Variants in JMJD1C observed in about 807,000 individuals in gnomAD.
The protein encoded by JMJD1C is jumonji domain-containing protein 1C.
In JMJD1C, 31 loss-of-function variants were observed where a neutral mutation model predicts 245.3. That is an observed-to-expected ratio of 0.13 (90% confidence interval 0.09 to 0.17). The LOEUF is 0.17. Among genes scored for constraint, JMJD1C ranks in the 10% least tolerant of loss-of-function variants. JMJD1C has a pLI of 1.00. For missense variants in JMJD1C, 2,691 were observed against 3,000.2 expected (o/e 0.90, Z 2.41); for synonymous variants, 1,057 against 1,017.4 (o/e 1.04, Z -0.74).
At chr10:63,336,099 T>A (rs1942701269) in intron 2 of JMJD1C, among the ~76,000 whole-genome samples, 1 of 151,382 alleles carries the variant, frequency 6.6e-6, no homozygotes, top group South Asian at 2.1e-4. Flanking sequence ...CCAGCCTGAG[T>A]GACAGAGTGA....
At chr10:63,505,098 G>A (rs776010979) in intron 1 of JMJD1C, among the ~76,000 whole-genome samples, 5 of 152,144 alleles carry the variant, frequency 3.3e-5, no homozygotes, top group African/African-American at 4.8e-5. Flanking sequence ...GGATCACGAG[G>A]TCAGGAGATC....
rs201112543 is a variant in JMJD1C at position 63,465,607 on chromosome 10, A to T, written c.56T>A (p.Val19Asp). Reference sequence around the variant, plus strand: ...GCGCTCCGAACGTGCCTCGTCGCCGACCGCCACACACAGGAACCGCTTACC... The same window carrying T: ...GCGCTCCGAACGTGCCTCGTCGCCGTCCGCCACACACAGGAACCGCTTACC... ...LVGKRFLCVAVGDEARSERWE... is the reference protein window; with the variant it reads ...LVGKRFLCVADGDEARSERWE... The change falls in exon 1 of 26, where the codon GTC (valine) becomes GAC (aspartate). Residue 19 changes from valine (V) to aspartate (D), a missense_variant. Physicochemically the swap from Val to Asp is radical, Grantham distance 152. Coordinates refer to ENST00000399262, the MANE Select transcript of JMJD1C (RefSeq NM_032776.3). 4.4e-4 allele frequency: 701 copies of T among 1,609,330 alleles called. 4 individuals carry two copies. The African/African-American group carries it at 8.5e-3, about 19-fold the overall frequency.
rs181777803 is a variant in JMJD1C at position 63,356,991 on chromosome 10, C to A, written c.333+23327G>T. Among the ~76,000 whole-genome samples, 188 of 91,748 alleles carry A rather than the reference C, an allele frequency of 2.0e-3. 1 individual carries two copies. The highest frequency in any genetic ancestry group is 4.9e-3 in the African/African-American group (176 of 35,704). The allele number at this position is 91,748 out of a possible 152,430, so 60.2% of individuals were successfully genotyped here. A position where few individuals can be genotyped will look rare whatever the true frequency, so the allele number is the denominator to read the frequency against. Reference sequence around the variant, plus strand: ...AAAACACTGAGAAAAATATCTGGAACTTGGTATGCCTTCAAAAATGAACTA... The same window carrying A: ...AAAACACTGAGAAAAATATCTGGAAATTGGTATGCCTTCAAAAATGAACTA... On this transcript the variant is annotated intron_variant, in intron 2 of 25. Coordinates refer to ENST00000399262, the MANE Select transcript of JMJD1C (RefSeq NM_032776.3).
At chr10:63,427,738 C>T in intron 1 of JMJD1C, 1 of 1,379,670 alleles carries the variant, frequency 7.2e-7, no homozygotes, top group Non-Finnish European at 1.0e-6. Flanking sequence ...GGAATTTGGT[C>T]TTGCCCAGTT....
chr10:63,448,691 C>T (rs530510584), intron 1 of JMJD1C, among the ~76,000 whole-genome samples: 2 of 152,214 alleles, frequency 1.3e-5, no homozygotes, highest in South Asian at 4.2e-4. Context: ...TAAAACTTGA[C>T]AGAGGTGAGA....
chr10:63,516,231 A>AG (rs1291410924), intron 1 of JMJD1C, among the ~76,000 whole-genome samples: 14 of 97,040 alleles, frequency 1.4e-4, no homozygotes, highest in African/African-American at 6.5e-4. Flanking sequence ...CTGGACTTTG[A>AG]GGGAAAAAAA....
At chr10:63,405,779 A>G (rs530440711) in intron 1 of JMJD1C, among the ~76,000 whole-genome samples, 4 of 152,354 alleles carry the variant, frequency 2.6e-5, no homozygotes, top group African/African-American at 9.6e-5. Flanking sequence ...GTAAAAAGTA[A>G]TATCAATATT....
intron 1 of JMJD1C, among the ~76,000 whole-genome samples, chr10:63,436,444 T>A (rs1377300059): frequency 6.6e-6 from 1 of 152,212 alleles, no homozygotes; most frequent in Non-Finnish European, 1.5e-5. Context: ...TCCTCTACCA[T>A]GATTTTCAGA....
chr10:63,231,962 T>G (rs1850073057), intron 3 of JMJD1C, among the ~76,000 whole-genome samples: 1 of 152,052 alleles, frequency 6.6e-6, no homozygotes, highest in Admixed American at 6.5e-5. Context: ...CTCAGCCTCC[T>G]GAGTAGCTGG....
chr10:63,503,033 G>A (rs576856303), intron 1 of JMJD1C, among the ~76,000 whole-genome samples: 15 of 152,282 alleles, frequency 9.9e-5, no homozygotes, highest in Admixed American at 6.5e-4. Context: ...TTTTGCAGAT[G>A]GGGAAACTGA....
intron 2 of JMJD1C, among the ~76,000 whole-genome samples, chr10:63,297,563 G>A (rs1470271311): frequency 6.6e-6 from 1 of 152,132 alleles, no homozygotes; most frequent in African/African-American, 2.4e-5. Flanking sequence ...TTCCTGGCTG[G>A]CTTACTGAGG....
chr10:63,328,875 G>A (rs1020368426), intron 2 of JMJD1C, among the ~76,000 whole-genome samples: 1 of 152,160 alleles, frequency 6.6e-6, no homozygotes, highest in Non-Finnish European at 1.5e-5. Context: ...GTAAATGTAC[G>A]TTATATTTTA....
intron 8 of JMJD1C, among the ~76,000 whole-genome samples, chr10:63,210,259 T>C (rs1462462757): frequency 6.6e-6 from 1 of 152,186 alleles, no homozygotes; most frequent in Admixed American, 6.5e-5. Context: ...CTCTATAAAA[T>C]GCCATTCAAA....
Position 63,173,477 on chromosome 10 carries a change from T to A in JMJD1C, c.7401+2820A>T, listed in dbSNP as rs145144159. ...TGGCTCATGCCTACAATCCCAACAC[T>A]TTGGGAGGCCAAGGCAGGAAGATTG... On this transcript the variant is annotated intron_variant, in intron 24 of 25. Transcript: ENST00000399262. Among the ~76,000 whole-genome samples the A allele has an allele frequency of 3.2e-3, 490 of 152,272 alleles. 3 individuals are homozygous for A. Among genetic ancestry groups the A allele is most frequent in the African/African-American group, 0.011 (475 of 41,536 alleles).
chr10:63,300,294 G>A (rs1260556737), intron 2 of JMJD1C, among the ~76,000 whole-genome samples: 4 of 152,138 alleles, frequency 2.6e-5, no homozygotes, highest in Non-Finnish European at 4.4e-5. Context: ...TAGTAAGTCA[G>A]CCTGGTTATC....
chr10:63,377,969 C>T (rs1000913687), intron 2 of JMJD1C, among the ~76,000 whole-genome samples: 3 of 147,280 alleles, frequency 2.0e-5, no homozygotes, highest in Non-Finnish European at 4.5e-5. Context: ...GAAAATATAT[C>T]AAAAATTATA....
Position 63,184,654 on chromosome 10 carries a change from T to C in JMJD1C, c.6915A>G (p.Gly2305=), listed in dbSNP as rs776562309. ...GKFNLASHLP[G]FFVRPDLGPR... ...GTCCTAGATCAGGACGTACAAAAAA[T>C]CCTGGCAAATGAGAGGCCAAATTGA... Residue 2305 remains glycine, a synonymous_variant, in exon 21 of 26, where the codon GGA becomes GGG. Coordinates refer to ENST00000399262, the MANE Select transcript of JMJD1C (RefSeq NM_032776.3). 1.9e-6 allele frequency: 3 copies of C among 1,613,960 alleles called. No individual in the cohort carries two copies. The highest frequency in any genetic ancestry group is 2.5e-6 in the Non-Finnish European group (3 of 1,179,916).
intron 1 of JMJD1C, among the ~76,000 whole-genome samples, chr10:63,513,637 G>A (rs1363735795): frequency 6.6e-6 from 1 of 152,154 alleles, no homozygotes; most frequent in East Asian, 1.9e-4. Flanking sequence ...TTTAGGCCGG[G>A]CACGGTGGCT....
At chr10:63,199,368 C>T (rs1845780506) in intron 11 of JMJD1C, among the ~76,000 whole-genome samples, 1 of 152,034 alleles carries the variant, frequency 6.6e-6, no homozygotes, top group Admixed American at 6.6e-5. Context: ...TTATATTGTA[C>T]TTCACTCTCT....
Sources: allele counts gnomAD v4.1 joint callset (sites outside exome capture counted in the v4.1 genomes callset), GRCh38; gene constraint gnomAD v4.1.1; transcripts MANE v1.5; gene names NCBI Gene and HGNC (gene_info 2026-07-23, HGNC 2026-07-21).